The following ZNF423 variants were observed in gnomAD, a reference collection of about 807,000 sequenced individuals.
The protein encoded by ZNF423 is Ebf-associated zinc finger protein.
Under a neutral mutation model 95.8 loss-of-function variants are expected in ZNF423, and 12 were observed. That is an observed-to-expected ratio of 0.13 (90% confidence interval 0.08 to 0.20). The LOEUF (loss-of-function observed/expected upper bound fraction) is 0.20, where lower values mean the gene tolerates loss of function less well. ZNF423 is among the 10% of genes least tolerant of loss of function. The pLI, the probability that ZNF423 is intolerant of heterozygous loss-of-function variation, is 1.00. For missense variants in ZNF423, 1,316 were observed against 1,737.1 expected (o/e 0.76, Z 4.31); for synonymous variants, 749 against 711.9 (o/e 1.05, Z -0.83).
At chr16:49,815,879 AAAAT>A (rs1225888507) in intron 1 of ZNF423, among the ~76,000 whole-genome samples, 72 of 59,616 alleles carry the variant, frequency 1.2e-3, no homozygotes, top group South Asian at 2.8e-3. Context: ...ACAAAAAAAA[AAAAT>A]ATATATATAT....
At chr16:49,749,975 G>A (rs1413884459) in intron 2 of ZNF423, among the ~76,000 whole-genome samples, 1 of 152,208 alleles carries the variant, frequency 6.6e-6, no homozygotes. Flanking sequence ...CCACATCCCA[G>A]TCCATCCGTG....
chr16:49,680,769 C>T (rs550027942), intron 3 of ZNF423, among the ~76,000 whole-genome samples: 1 of 152,356 alleles, frequency 6.6e-6, no homozygotes, highest in South Asian at 2.1e-4. Context: ...ACCTGGATCA[C>T]CCTTGGCAGG....
chr16:49,653,440 T>C (rs766348022), intron 3 of ZNF423, among the ~76,000 whole-genome samples: 24 of 151,876 alleles, frequency 1.6e-4, no homozygotes, highest in Non-Finnish European at 3.2e-4. Context: ...CTATTAAGTA[T>C]AGGTGAAGCT....
rs150300339 is a variant in ZNF423, at chr16:49,773,268, G to A, written c.100+16219C>T. ...CAGGAGGCGAAAATTGCAGTGAGCCGAGATGCCACCATTGCACTCCAGCCT... is the reference window on the plus strand; with the variant it reads ...CAGGAGGCGAAAATTGCAGTGAGCCAAGATGCCACCATTGCACTCCAGCCT... On this transcript the variant is annotated intron_variant, in intron 2 of 7. Transcript: ENST00000563137. Among the ~76,000 whole-genome samples the A allele has an allele frequency of 2.0e-3, 307 of 152,056 alleles. 4 individuals carry two copies. Among genetic ancestry groups the A allele is most frequent in the African/African-American group, 6.7e-3 (279 of 41,484 alleles).
At chr16:49,581,032 C>T (rs372254154) in intron 5 of ZNF423, among the ~76,000 whole-genome samples, 3 of 152,132 alleles carry the variant, frequency 2.0e-5, no homozygotes, top group East Asian at 1.9e-4. Flanking sequence ...AAATGATTCA[C>T]GAGATTGCCA....
intron 7 of ZNF423, among the ~76,000 whole-genome samples, chr16:49,514,779 T>A (rs1337398148): frequency 6.6e-6 from 1 of 152,234 alleles, no homozygotes; most frequent in Non-Finnish European, 1.5e-5. Context: ...GCTCACGGAA[T>A]CACTTCCTGC....
chr16:49,801,611 C>G (rs527933006), intron 1 of ZNF423, among the ~76,000 whole-genome samples: 1 of 152,312 alleles, frequency 6.6e-6, no homozygotes, highest in South Asian at 2.1e-4. Context: ...GCAGCATTAC[C>G]TAGGAGCTTG....
chr16:49,839,599 G>A (rs1210726502), intron 1 of ZNF423, among the ~76,000 whole-genome samples: 1 of 152,320 alleles, frequency 6.6e-6, no homozygotes, highest in Non-Finnish European at 1.5e-5. Context: ...GAGGTCCCCA[G>A]GGCAAGACTG....
At chr16:49,832,935 A>G (rs1567364331) in intron 1 of ZNF423, among the ~76,000 whole-genome samples, 1 of 152,228 alleles carries the variant, frequency 6.6e-6, no homozygotes, top group South Asian at 2.1e-4. Context: ...CAATCTCTCA[A>G]TGTTGATTTC....
intron 1 of ZNF423, among the ~76,000 whole-genome samples, chr16:49,805,783 A>T (rs573048534): frequency 8.5e-5 from 13 of 152,316 alleles, no homozygotes; most frequent in African/African-American, 2.9e-4. Flanking sequence ...TAAAATGGGG[A>T]TTTAAAAAAT....
At chr16:49,614,452 AC>A (rs1971813296) in intron 5 of ZNF423, among the ~76,000 whole-genome samples, 1 of 152,122 alleles carries the variant, frequency 6.6e-6, no homozygotes, top group South Asian at 2.1e-4. Context: ...TTGGGAATTT[AC>A]CCCCAAAATA....
chr16:49,786,290 C>T (rs2034311839), intron 2 of ZNF423, among the ~76,000 whole-genome samples: 3 of 152,216 alleles, frequency 2.0e-5, no homozygotes. Flanking sequence ...GGGCGGAGGG[C>T]CACAGGGTCC....
At chr16:49,822,581 T>C in intron 1 of ZNF423, 2 of 1,107,530 alleles carry the variant, frequency 1.8e-6, no homozygotes, top group Non-Finnish European at 1.3e-6. Context: ...AGACCCACAT[T>C]GTCCAAGAGA....
At chr16:49,789,226 A>G (rs996570521) in intron 2 of ZNF423, among the ~76,000 whole-genome samples, 1 of 152,214 alleles carries the variant, frequency 6.6e-6, no homozygotes, top group African/African-American at 2.4e-5. Flanking sequence ...GCAGTGGGAA[A>G]ATCACTGCCC....
rs2035354483 is a variant in ZNF423, at chr16:49,855,517, G to GCCGCCGCCGCCGCCGCCGCCGCCT, written c.40+217_40+218insAGGCGGCGGCGGCGGCGGCGGCGG. On this transcript the variant is annotated intron_variant, in intron 1 of 7. Coordinates refer to ENST00000563137, the MANE Select transcript of ZNF423 (RefSeq NM_001379286.1). The surrounding 1 kb of genome is among the most constrained non-coding windows in gnomAD (Gnocchi z 4.7). ...GTGTCCGCGGCGTACCCCCTCCGCC[G>GCCGCCGCCGCCGCCGCCGCCGCCT]CCGCCGCCGCCGCCGCCGCCTCCGC... Among the ~76,000 whole-genome samples, 2 of 98,178 alleles carry GCCGCCGCCGCCGCCGCCGCCGCCT rather than the reference G, an allele frequency of 2.0e-5. No individual in the cohort carries two copies. Among genetic ancestry groups the GCCGCCGCCGCCGCCGCCGCCGCCT allele is most frequent in the African/African-American group, 5.8e-5 (2 of 34,322 alleles). 64.4% of individuals were successfully genotyped at this position (98,178 alleles called of 152,430 possible). A position where few individuals can be genotyped will look rare whatever the true frequency, so the allele number is the denominator to read the frequency against.
intron 1 of ZNF423, among the ~76,000 whole-genome samples, chr16:49,852,816 G>A (rs1260427216): frequency 6.6e-6 from 1 of 151,638 alleles, no homozygotes; most frequent in Non-Finnish European, 1.5e-5. Context: ...CTCCCTGTGA[G>A]CTGGGTTTTC....
intron 3 of ZNF423, chr16:49,711,616 A>G (rs1771959168): frequency 6.6e-6 from 1 of 152,258 alleles, no homozygotes; most frequent in South Asian, 2.1e-4. Context: ...CCCACTGTCA[A>G]TTAAACCATG....
rs562012999 is a variant in ZNF423, at chr16:49,730,406, T to G, written c.301+365A>C. Among the ~76,000 whole-genome samples, 7 of 152,330 alleles carry G rather than the reference T, an allele frequency of 4.6e-5. No homozygotes were observed. In the South Asian group the frequency reaches 8.3e-4, roughly 18 times the overall value. On this transcript the variant is annotated intron_variant, in intron 3 of 7. Coordinates refer to ENST00000563137, the MANE Select transcript of ZNF423 (RefSeq NM_001379286.1). The stretch of plus-strand genomic sequence containing the variant: ...CTCGGAGCTTACTCCTTTATGCAGC[T>G]TTCCACACTTAAGCTGCTTAACTTT...
At chr16:49,825,313 T>C (rs1026101303) in intron 1 of ZNF423, among the ~76,000 whole-genome samples, 1 of 152,208 alleles carries the variant, frequency 6.6e-6, no homozygotes, top group Non-Finnish European at 1.5e-5. Flanking sequence ...GGGTAGGTTT[T>C]GTGTCCAGTT....
Sources: allele counts gnomAD v4.1 joint callset (sites outside exome capture counted in the v4.1 genomes callset), GRCh38; gene constraint gnomAD v4.1.1; non-coding constraint Gnocchi (gnomAD v3.1); transcripts MANE v1.5; gene names NCBI Gene and HGNC (gene_info 2026-07-23, HGNC 2026-07-21).